UGGT1: variants seen among roughly 807,000 people sequenced by gnomAD.
UGGT1 encodes UDP-glucose glycoprotein glucosyltransferase 1.
Under a neutral mutation model 203.9 loss-of-function variants are expected in UGGT1, and 107 were observed. The ratio of observed to expected loss-of-function variants is 0.52; its 90% CI spans 0.45 to 0.62. The LOEUF (loss-of-function observed/expected upper bound fraction) is 0.62, where lower values mean the gene tolerates loss of function less well. Ranked by LOEUF, UGGT1 falls within the 20% of genes least tolerant of loss-of-function variation. UGGT1 has a pLI of 0.00. For missense variants in UGGT1, 1,673 were observed against 1,867.2 expected, an observed-to-expected ratio of 0.90 and a Z score of 1.92; for synonymous variants, 628 against 653.5, an observed-to-expected ratio of 0.96 and a Z score of 0.59.
rs181337828 is a variant in UGGT1 at position 128,170,494 on chromosome 2, A to G, written c.3024+104A>G. On this transcript the variant is annotated intron_variant, in intron 27 of 40. Transcript: ENST00000259253. ...TTTCCTTGAGTTGCCTTCAACAGGC[A>G]CTGGACAATGCTATGGGGTTCTAGG... 6.0e-4 allele frequency: 540 copies of G among 902,690 alleles called. 2 individuals carry two copies. In the African/African-American group the frequency reaches 7.9e-3, roughly 13 times the overall value. 55.9% of individuals were successfully genotyped at this position (902,690 alleles called of 1,614,324 possible).
chr2:128,147,055 C>T (rs1407565561), intron 18 of UGGT1, among the ~76,000 whole-genome samples: 1 of 152,206 alleles, frequency 6.6e-6, no homozygotes, highest in Non-Finnish European at 1.5e-5. Flanking sequence ...AAAGACACTC[C>T]TATCACTGGA....
At chr2:128,141,470 T>A (rs1573561318) in intron 16 of UGGT1, among the ~76,000 whole-genome samples, 1 of 149,094 alleles carries the variant, frequency 6.7e-6, no homozygotes. Context: ...ATGGGCGTGG[T>A]GGCAGGCGCC....
At chr2:128,189,040 A>G (rs2104847267) in intron 40 of UGGT1, among the ~76,000 whole-genome samples, 1 of 152,380 alleles carries the variant, frequency 6.6e-6, no homozygotes, top group East Asian at 1.9e-4. Context: ...AATTTGAGGA[A>G]ACAGTAATCA....
chr2:128,181,775 A>G (rs1691702147), intron 36 of UGGT1, among the ~76,000 whole-genome samples: 1 of 152,208 alleles, frequency 6.6e-6, no homozygotes, highest in Non-Finnish European at 1.5e-5. Flanking sequence ...GCATTATTCT[A>G]CATCTGTCCA....
chr2:128,139,284 T>C (rs1440029053), intron 16 of UGGT1, among the ~76,000 whole-genome samples: 1 of 152,226 alleles, frequency 6.6e-6, no homozygotes. Flanking sequence ...CCAGATCTTG[T>C]TGTGTTGCTC....
rs1491078510 is a variant in UGGT1 at position 128,159,113 on chromosome 2, TTA to T, written c.2356-400_2356-399del. ...TGAGACTTTTTTTTTTTTTTTTTTT[TTA>T]ATGAGACGGAGTCTTACTCTGTCAT... is the stretch of plus-strand genomic sequence containing the variant. On this transcript the variant is annotated intron_variant, in intron 22 of 40. Coordinates refer to ENST00000259253, the MANE Select transcript of UGGT1 (RefSeq NM_020120.4). Among the ~76,000 whole-genome samples, 156 of 130,366 alleles carry T rather than the reference TTA, an allele frequency of 1.2e-3. 2 individuals carry two copies. The highest frequency in any genetic ancestry group is 1.7e-3 in the African/African-American group (60 of 35,518). 85.5% of individuals were successfully genotyped at this position (130,366 alleles called of 152,430 possible).
intron 9 of UGGT1, 105 bp from the exon 10 acceptor site, chr2:128,121,094 A>T: frequency 1.8e-6 from 2 of 1,098,184 alleles, no homozygotes; most frequent in South Asian, 2.6e-5. Flanking sequence ...ATTCGAAGAT[A>T]TTCTTAATTA....
chr2:128,156,330 A>G, intron 20 of UGGT1, 62 bp from the exon 21 acceptor site: 1 of 1,271,666 alleles, frequency 7.9e-7, no homozygotes, highest in Non-Finnish European at 1.1e-6. Context: ...CAATTTTTAC[A>G]GTAGGCATTC....
At chr2:128,175,195 C>G (rs565274287) in intron 31 of UGGT1, among the ~76,000 whole-genome samples, 1 of 152,084 alleles carries the variant, frequency 6.6e-6, no homozygotes, top group Non-Finnish European at 1.5e-5. Flanking sequence ...AAAGAAAGAA[C>G]AGCCACACTT....
intron 3 of UGGT1, 39 bp downstream of exon 3, chr2:128,104,053 G>A: frequency 2.7e-6 from 4 of 1,472,246 alleles, no homozygotes; most frequent in Non-Finnish European, 3.6e-6. Flanking sequence ...TTTGGTGTCT[G>A]GGAAAATATT....
At chr2:128,119,815 C>CTT (rs139923888) in intron 8 of UGGT1, among the ~76,000 whole-genome samples, 9 of 149,818 alleles carry the variant, frequency 6.0e-5, no homozygotes, top group Non-Finnish European at 8.9e-5. Context: ...ATTTATTAAG[C>CTT]TTTCTTTTTT....
Position 128,145,958 on chromosome 2 carries a change from G to A in UGGT1, c.2007G>A (p.Ala669=), listed in dbSNP as rs756471962. Residue 669 remains alanine, a synonymous_variant, in exon 18 of 41, where the codon GCG becomes GCA. Coordinates refer to ENST00000259253, the MANE Select transcript of UGGT1 (RefSeq NM_020120.4). The part of the protein sequence containing the change: ...ILETTTFFQR[A]VYLGELPHDQ... ...AGACCACCACCTTCTTCCAAAGAGC[G>A]GTGTACTTGGTGAGTCACGTTTCAA... is the stretch of plus-strand genomic sequence containing the variant. 19 of 1,612,958 alleles carry A rather than the reference G, an allele frequency of 1.2e-5. No individual in the cohort carries two copies. Among genetic ancestry groups the A allele is most frequent in the Middle Eastern group, 3.3e-4 (2 of 6,082 alleles).
chr2:128,145,206 C>T (rs1689623778), intron 17 of UGGT1, among the ~76,000 whole-genome samples: 1 of 152,210 alleles, frequency 6.6e-6, no homozygotes, highest in Non-Finnish European at 1.5e-5. Flanking sequence ...ATATTTACCT[C>T]AGGCTTTTTG....
At position 128,161,154 on chromosome 2, in the gene UGGT1, A is replaced by T; in HGVS notation, c.2711A>T (p.Glu904Val). The part of the protein sequence containing the change: ...ISNGRIIGPL[E>V]DSELFNQDDF... ...CCTTCACAGATCATTGGGCCACTGG[A>T]GGATAGTGAGCTCTTTAATCAAGAC... The change falls in exon 25 of 41, where the codon GAG becomes GTG. Residue 904 changes from glutamate (E) to valine (V), a missense_variant. Around this residue, in one of 4 missense-constraint regions of UGGT1, gnomAD observed 1,073 missense variants for 1,078.7 expected, o/e 0.99. Coordinates refer to ENST00000259253, the MANE Select transcript of UGGT1 (RefSeq NM_020120.4). 2 of 1,613,960 alleles carry T rather than the reference A, an allele frequency of 1.2e-6. No individual in the cohort carries two copies. Among genetic ancestry groups the T allele is most frequent in the Non-Finnish European group, 1.7e-6 (2 of 1,179,960 alleles).
rs1171115354 is a variant in UGGT1 at position 128,195,016 on chromosome 2, T to TGGC, written c.*5275_*5277dup. On this transcript the variant is annotated 3_prime_UTR_variant, in exon 41 of 41. Coordinates refer to ENST00000259253, the MANE Select transcript of UGGT1 (RefSeq NM_020120.4). ...AACAAACTGCAAAGTCTGTGGCAAGTGGCTGCCTGCTTCCTAGAAGGAGCC... is the reference window on the plus strand; with the variant it reads ...AACAAACTGCAAAGTCTGTGGCAAGTGGCGGCTGCCTGCTTCCTAGAAGGAGCC... 7 of 152,224 alleles carry TGGC rather than the reference T, an allele frequency of 4.6e-5. No homozygotes were observed. The highest frequency in any genetic ancestry group is 1.4e-4 in the African/African-American group (6 of 41,458). 9.4% of individuals were successfully genotyped at this position (152,224 alleles called of 1,614,324 possible). A position where few individuals can be genotyped will look rare whatever the true frequency, so the allele number is the denominator to read the frequency against.
chr2:128,176,753 G>T, intron 31 of UGGT1, 61 bp from the exon 32 acceptor site: 1 of 1,478,240 alleles, frequency 6.8e-7, no homozygotes, highest in East Asian at 2.3e-5. Flanking sequence ...GATGCTCTGA[G>T]AGCATTTGCT....
In UGGT1 at chr2:128,179,826, G is replaced by A. The variant is rs1390147539; in HGVS notation, c.3856G>A (p.Val1286Met). ...CGTGCTGAAGAATACCAAGACTCCT[G>A]TGAAATTCTGGTTCTTGAAGAATTA... ...LSVLKNTKTP[V>M]KFWFLKNYLS... The change falls in exon 35 of 41, where the codon GTG (valine) becomes ATG (methionine). Residue 1286 changes from valine to methionine, a missense_variant. Val to Met is a conservative substitution (Grantham distance 21, BLOSUM62 1). Coordinates refer to ENST00000259253, the MANE Select transcript of UGGT1 (RefSeq NM_020120.4). 5.0e-6 allele frequency: 8 copies of A among 1,613,878 alleles called. No homozygotes were observed. The highest frequency in any genetic ancestry group is 2.7e-5 in the African/African-American group (2 of 74,902).
intron 25 of UGGT1, among the ~76,000 whole-genome samples, chr2:128,161,511 G>T (rs1467670543): frequency 6.6e-6 from 1 of 151,960 alleles, no homozygotes; most frequent in Non-Finnish European, 1.5e-5. Context: ...TATAATTTTT[G>T]GTTGTGGAAA....
chr2:128,136,443 A>ACATT (rs60082962), intron 15 of UGGT1, among the ~76,000 whole-genome samples: 2 of 151,842 alleles, frequency 1.3e-5, no homozygotes, highest in South Asian at 2.1e-4. Context: ...ATTTTCCAGA[A>ACATT]CTAGGTTGCA....
Sources: allele counts gnomAD v4.1 joint callset (sites outside exome capture counted in the v4.1 genomes callset), GRCh38; gene constraint gnomAD v4.1.1; regional missense constraint gnomAD v4.1.1; transcripts MANE v1.5; gene names NCBI Gene and HGNC (gene_info 2026-07-23, HGNC 2026-07-21).